The following PRDM16 variants were observed in gnomAD, a reference collection of about 807,000 sequenced individuals.
The protein encoded by PRDM16 is PR/SET domain 16.
Under a neutral mutation model 110.6 loss-of-function variants are expected in PRDM16, and 23 were observed. The observed-to-expected ratio is 0.21, with a 90% CI of 0.15 to 0.29. The LOEUF is 0.29. PRDM16 is among the 10% of genes least tolerant of loss of function. PRDM16 has a pLI of 1.00. For missense variants in PRDM16, 1,615 were observed against 1,794.3 expected (o/e 0.90, Z 1.81); for synonymous variants, 799 against 781.8 (o/e 1.02, Z -0.37).
At chr1:3,192,169 C>T (rs991969097) in intron 2 of PRDM16, among the ~76,000 whole-genome samples, 1 of 152,132 alleles carries the variant, frequency 6.6e-6, no homozygotes, top group Non-Finnish European at 1.5e-5. Context: ...CACAAATAGC[C>T]CCCACAGCTT....
At chr1:3,090,440 C>T (rs1642249718) in intron 1 of PRDM16, among the ~76,000 whole-genome samples, 1 of 152,276 alleles carries the variant, frequency 6.6e-6, no homozygotes, top group African/African-American at 2.4e-5. Flanking sequence ...TCCTCTGAGC[C>T]TGCGCACACA....
At chr1:3,325,070 C>G (rs1390585202) in intron 3 of PRDM16, among the ~76,000 whole-genome samples, 1 of 152,228 alleles carries the variant, frequency 6.6e-6, no homozygotes, top group African/African-American at 2.4e-5. Flanking sequence ...CAGCCCAGAG[C>G]TGGCTCAGCC....
chr1:3,209,020 G>C lies in PRDM16; in HGVS notation c.387+22546G>C, dbSNP rs79013696. 0.013 allele frequency among the ~76,000 whole-genome samples: 2,008 copies of C among 152,248 alleles called. 45 individuals carry two copies. Among genetic ancestry groups the C allele is most frequent in the African/African-American group, 0.045 (1,887 of 41,538 alleles). ...CCACCTGCTTCTCAGCAGGTGGCTG[G>C]GACTTAACTCTCAAGGGTATTTAGG... On this transcript the variant is annotated intron_variant, in intron 2 of 16. Transcript: ENST00000270722. The surrounding 1 kb of genome is among the most constrained non-coding windows in gnomAD (Gnocchi z 4.6).
intron 3 of PRDM16, among the ~76,000 whole-genome samples, chr1:3,298,467 C>T (rs1026742084): frequency 1.5e-4 from 23 of 152,244 alleles, no homozygotes; most frequent in African/African-American, 5.3e-4. Context: ...CTGAAGCTTT[C>T]ACTTTACTTA....
intron 1 of PRDM16, among the ~76,000 whole-genome samples, chr1:3,181,305 C>T (rs1256273441): frequency 7.3e-6 from 1 of 137,778 alleles, no homozygotes; most frequent in Non-Finnish European, 1.7e-5. Context: ...CAGTCTTACA[C>T]ACGGTCTTAC....
chr1:3,420,543 C>T (rs1638398352), intron 12 of PRDM16, among the ~76,000 whole-genome samples: 1 of 152,192 alleles, frequency 6.6e-6, no homozygotes, highest in African/African-American at 2.4e-5. Context: ...AACCAGATGA[C>T]ATTGGAAGCC....
intron 3 of PRDM16, among the ~76,000 whole-genome samples, chr1:3,329,311 C>A (rs908600731): frequency 1.3e-5 from 2 of 152,140 alleles, no homozygotes; most frequent in African/African-American, 4.8e-5. Flanking sequence ...GCCTTTCCTC[C>A]CACTTCTTCA....
At chr1:3,357,069 C>T (rs1172459792) in intron 3 of PRDM16, among the ~76,000 whole-genome samples, 1 of 152,156 alleles carries the variant, frequency 6.6e-6, no homozygotes, top group Non-Finnish European at 1.5e-5. Context: ...CATCCTCAGG[C>T]GGGTGCAGAA....
At chr1:3,269,122 G>A (rs1179605037) in intron 3 of PRDM16, among the ~76,000 whole-genome samples, 1 of 152,252 alleles carries the variant, frequency 6.6e-6, no homozygotes, top group Non-Finnish European at 1.5e-5. Flanking sequence ...TTAGAAGGTG[G>A]CTCCAGGCCA....
At chr1:3,118,143 G>C (rs986298523) in intron 1 of PRDM16, among the ~76,000 whole-genome samples, 6 of 152,020 alleles carry the variant, frequency 3.9e-5, no homozygotes, top group African/African-American at 1.4e-4. Context: ...GTACATGCAT[G>C]TGTGTGCATG....
At chr1:3,364,617 G>A (rs79552416) in intron 3 of PRDM16, among the ~76,000 whole-genome samples, 3,686 of 152,310 alleles carry the variant, frequency 0.024, 140 homozygotes, top group African/African-American at 0.08. Context: ...GCCCCCTGGT[G>A]CAAGGGCAAA....
In PRDM16 at chr1:3,412,776, CCTT is replaced by C; in HGVS notation, c.2584_2586del (p.Phe862del). On this transcript the variant is annotated inframe_deletion, in exon 9 of 17. Coordinates refer to ENST00000270722, the MANE Select transcript of PRDM16 (RefSeq NM_022114.4). ...CCGCTCCACTACGCCAAGCCCTCGC[CCTT>C]CTTCATGGACCCCATCTACAGGTAT... The C allele has an allele frequency of 1.3e-6, 2 of 1,482,736 alleles. No homozygotes were observed. Among genetic ancestry groups the C allele is most frequent in the Non-Finnish European group, 1.8e-6 (2 of 1,116,164 alleles). The allele number at this position is 1,482,736 out of a possible 1,614,324, so 91.8% of individuals were successfully genotyped here. A position where few individuals can be genotyped will look rare whatever the true frequency, so the allele number is the denominator to read the frequency against.
chr1:3,180,875 C>T (rs112750269), intron 1 of PRDM16, among the ~76,000 whole-genome samples: 9,630 of 151,308 alleles, frequency 0.064, 440 homozygotes, highest in East Asian at 0.19. Flanking sequence ...GCCTTACACA[C>T]GCAGTCTTAC....
intron 1 of PRDM16, among the ~76,000 whole-genome samples, chr1:3,135,851 G>A (rs12024859): frequency 3.3e-5 from 5 of 152,200 alleles, no homozygotes; most frequent in African/African-American, 7.2e-5. Flanking sequence ...GTCTCCCTGC[G>A]CCCTCCCCTG....
At chr1:3,364,687 A>C (rs1642777323) in intron 3 of PRDM16, among the ~76,000 whole-genome samples, 1 of 151,938 alleles carries the variant, frequency 6.6e-6, no homozygotes, top group African/African-American at 2.4e-5. Context: ...TTCCTCCCCC[A>C]CTCAGCTGCG....
rs185817318 is a variant in PRDM16 at position 3,224,697 on chromosome 1, A to T, written c.388-19390A>T. ...CCAAGGGGGATGATGAGGTGGAGGA[A>T]TGAGGGCCACAGCCTGGATAAAAGA... On this transcript the variant is annotated intron_variant, in intron 2 of 16. Coordinates refer to ENST00000270722, the MANE Select transcript of PRDM16 (RefSeq NM_022114.4). Among the ~76,000 whole-genome samples the T allele has an allele frequency of 2.0e-5, 3 of 152,322 alleles. No individual in the cohort carries two copies. The East Asian group carries it at 5.8e-4, about 29-fold the overall frequency.
Position 3,425,716 on chromosome 1 carries a change from G to A in PRDM16, c.3075G>A (p.Arg1025=), listed in dbSNP as rs780677361. 1 of 1,613,752 alleles carries A rather than the reference G, an allele frequency of 6.2e-7. No individual in the cohort carries two copies. The highest frequency in any genetic ancestry group is 1.1e-5 in the South Asian group (1 of 91,078). Residue 1025 remains arginine, a synonymous_variant, in exon 13 of 17, where the codon CGG becomes CGA. Transcript: ENST00000270722. This position sits in a 1 kb window ranked among gnomAD's most constrained non-coding sequence, Gnocchi z 6.9. Reference sequence around the variant, plus strand: ...TCGGGCAGCAGACCAACCTGGACCGGCACCTCAAGAAGCACGAGCACGAGA... The same window carrying A: ...TCGGGCAGCAGACCAACCTGGACCGACACCTCAAGAAGCACGAGCACGAGA... ...RCFGQQTNLD[R]HLKKHEHENA... is the part of the protein sequence containing the mutation.
At chr1:3,158,408 T>C (rs954231352) in intron 1 of PRDM16, among the ~76,000 whole-genome samples, 2 of 152,238 alleles carry the variant, frequency 1.3e-5, no homozygotes, top group Non-Finnish European at 2.9e-5. Flanking sequence ...TAAATGTAAT[T>C]AAATTTAAAA....
At chr1:3,422,387 T>A (rs1436275849) in intron 12 of PRDM16, among the ~76,000 whole-genome samples, 25 of 150,144 alleles carry the variant, frequency 1.7e-4, no homozygotes, top group Non-Finnish European at 1.5e-5. Context: ...AGACAGACAG[T>A]CAGGCAGGCA....
Sources: allele counts gnomAD v4.1 joint callset (sites outside exome capture counted in the v4.1 genomes callset), GRCh38; gene constraint gnomAD v4.1.1; non-coding constraint Gnocchi (gnomAD v3.1); transcripts MANE v1.5; gene names NCBI Gene and HGNC (gene_info 2026-07-23, HGNC 2026-07-21).